PLGRKT: variants seen among roughly 807,000 people sequenced by gnomAD.
The protein encoded by PLGRKT is plasminogen receptor (KT).
In PLGRKT, 22 loss-of-function variants were observed where a neutral mutation model predicts 18.5. The ratio of observed to expected loss-of-function variants is 1.19; its 90% CI spans 0.85 to 1.70. The LOEUF (loss-of-function observed/expected upper bound fraction) is 1.70. PLGRKT is among the 40% of genes most tolerant of loss of function. The pLI, the probability that PLGRKT is intolerant of heterozygous loss-of-function variation, is 0.00. For missense variants in PLGRKT, 235 were observed against 174.4 expected (o/e 1.35, Z -1.96); for synonymous variants, 72 against 52.8 (o/e 1.36, Z -1.58).
rs1586738902 is a variant in PLGRKT at position 5,418,623 on chromosome 9, G to T, written c.81+13274C>A. Reference sequence around the variant, plus strand: ...TCTGCCGGTTCCTGGGCAGCAGGTGGCGGCTCATATCTCCGGGCAGCAGCG... The same window carrying T: ...TCTGCCGGTTCCTGGGCAGCAGGTGTCGGCTCATATCTCCGGGCAGCAGCG... On this transcript the variant is annotated intron_variant, in intron 3 of 5. Coordinates refer to ENST00000223864, the MANE Select transcript of PLGRKT (RefSeq NM_018465.4). This position sits in a 1 kb window ranked among gnomAD's most constrained non-coding sequence, Gnocchi z 4.2. The T allele has an allele frequency of 1.4e-6, 1 of 716,708 alleles. No individual in the cohort carries two copies. The highest frequency in any genetic ancestry group is 2.6e-6 in the Non-Finnish European group (1 of 383,812). The allele number at this position is 716,708 out of a possible 1,614,324, so 44.4% of individuals were successfully genotyped here. A position where few individuals can be genotyped will look rare whatever the true frequency, so the allele number is the denominator to read the frequency against.
chr9:5,395,869 T>C (rs1818034837), intron 3 of PLGRKT, among the ~76,000 whole-genome samples: 1 of 149,244 alleles, frequency 6.7e-6, no homozygotes, highest in Non-Finnish European at 1.5e-5. Flanking sequence ...TGCATTAGGG[T>C]TCATCCTCTA....
At chr9:5,395,085 CTAGTGGTGAAAAGGCTTTGCA>C (rs965918766) in intron 3 of PLGRKT, among the ~76,000 whole-genome samples, 1 of 146,918 alleles carries the variant, frequency 6.8e-6, no homozygotes, top group Non-Finnish European at 1.5e-5. Flanking sequence ...TTAGATTTTC[CTAGTGGTGAAAAGGCTTTGCA>C]AAAAAAAAAA....
chr9:5,382,305 T>C (rs924841227), intron 3 of PLGRKT, among the ~76,000 whole-genome samples: 3 of 152,162 alleles, frequency 2.0e-5, no homozygotes, highest in African/African-American at 7.2e-5. Flanking sequence ...ACAGGCACAA[T>C]TCAGGGCATT....
At chr9:5,365,141 G>A (rs560865796) in intron 3 of PLGRKT, among the ~76,000 whole-genome samples, 1 of 152,132 alleles carries the variant, frequency 6.6e-6, no homozygotes, top group South Asian at 2.1e-4. Flanking sequence ...AAATAAACCA[G>A]GGCTCCTTAG....
rs544412478 is a variant in PLGRKT, at chr9:5,392,806, G to A, written c.82-30918C>T. ...GGCATGCCCCTTTATTTAAATTTCC[G>A]GATTGATTTTTATTTATTTACTTTA... On this transcript the variant is annotated intron_variant, in intron 3 of 5. Coordinates refer to ENST00000223864, the MANE Select transcript of PLGRKT (RefSeq NM_018465.4). 9.3e-5 allele frequency among the ~76,000 whole-genome samples: 14 copies of A among 151,218 alleles called. No homozygotes were observed. The South Asian group carries it at 2.3e-3, about 25-fold the overall frequency.
chr9:5,376,473 A>G (rs1817630117), intron 3 of PLGRKT, among the ~76,000 whole-genome samples: 1 of 152,174 alleles, frequency 6.6e-6, no homozygotes, highest in Admixed American at 6.5e-5. Context: ...TTGTTTTGAG[A>G]CTTCATTATT....
chr9:5,437,167 G>A (rs1818976114), intron 1 of PLGRKT, among the ~76,000 whole-genome samples: 1 of 152,138 alleles, frequency 6.6e-6, no homozygotes, highest in African/African-American at 2.4e-5. Context: ...GTGTATTTCT[G>A]GGGAGGAGAA....
chr9:5,418,674 C>G lies in PLGRKT; in HGVS notation c.81+13223G>C. On this transcript the variant is annotated intron_variant, in intron 3 of 5. Transcript: ENST00000223864. This position sits in a 1 kb window ranked among gnomAD's most constrained non-coding sequence, Gnocchi z 4.2. ...CGTGCTCCTTGGAGATGGGCAGGGG[C>G]AGCATGTAGCACCCACTGCCGGGAA... 1.5e-6 allele frequency: 1 copy of G among 670,524 alleles called. No homozygotes were observed. Among genetic ancestry groups the G allele is most frequent in the Non-Finnish European group, 2.8e-6 (1 of 358,838 alleles). 41.5% of individuals were successfully genotyped at this position (670,524 alleles called of 1,614,324 possible). A position where few individuals can be genotyped will look rare whatever the true frequency, so the allele number is the denominator to read the frequency against.
intron 3 of PLGRKT, among the ~76,000 whole-genome samples, chr9:5,380,174 C>G (rs1254014867): frequency 3.3e-5 from 5 of 151,974 alleles, no homozygotes; most frequent in East Asian, 1.9e-4. Context: ...ATCATCCTGG[C>G]TAACACGGTG....
chr9:5,386,629 C>CTT (rs1362833610), intron 3 of PLGRKT, among the ~76,000 whole-genome samples: 1 of 151,866 alleles, frequency 6.6e-6, no homozygotes, highest in Non-Finnish European at 1.5e-5. Context: ...GACTCTGCTC[C>CTT]TGCCCCAGGG....
chr9:5,368,400 C>A (rs1020920879), intron 3 of PLGRKT, among the ~76,000 whole-genome samples: 9 of 152,100 alleles, frequency 5.9e-5, no homozygotes, highest in African/African-American at 2.2e-4. Flanking sequence ...ACTATGCAGC[C>A]ATAAAAAGGA....
intron 3 of PLGRKT, among the ~76,000 whole-genome samples, chr9:5,364,985 G>A (rs1008638572): frequency 1.1e-4 from 16 of 152,114 alleles, no homozygotes; most frequent in African/African-American, 3.6e-4. Context: ...CATAGATTAG[G>A]CATTCATGGC....
At chr9:5,424,670 A>ATT (rs1818656297) in intron 3 of PLGRKT, among the ~76,000 whole-genome samples, 2 of 68,184 alleles carry the variant, frequency 2.9e-5, no homozygotes, top group South Asian at 4.5e-4. Context: ...TATATATTTT[A>ATT]TATATATATA....
At chr9:5,378,062 A>T (rs2131088089) in intron 3 of PLGRKT, among the ~76,000 whole-genome samples, 2 of 152,284 alleles carry the variant, frequency 1.3e-5, no homozygotes, top group East Asian at 3.9e-4. Context: ...CATGTTGCAC[A>T]TTCCAAAAGG....
At chr9:5,363,886 A>T (rs1817323356) in intron 3 of PLGRKT, among the ~76,000 whole-genome samples, 1 of 152,210 alleles carries the variant, frequency 6.6e-6, no homozygotes, top group Non-Finnish European at 1.5e-5. Context: ...ACTGAGGTTC[A>T]TTTTGAGTTC....
chr9:5,389,950 G>A (rs1452370796), intron 3 of PLGRKT, among the ~76,000 whole-genome samples: 2 of 151,736 alleles, frequency 1.3e-5, no homozygotes, highest in African/African-American at 2.4e-5. Flanking sequence ...ACAAGGGTGT[G>A]ATTTCCAGGG....
intron 3 of PLGRKT, among the ~76,000 whole-genome samples, chr9:5,374,196 G>T (rs1158169647): frequency 2.6e-5 from 4 of 152,128 alleles, no homozygotes; most frequent in Admixed American, 2.6e-4. Flanking sequence ...TAATATCTCT[G>T]AGTAACTCTT....
intron 5 of PLGRKT, among the ~76,000 whole-genome samples, chr9:5,359,869 A>C (rs1035187045): frequency 1.3e-5 from 2 of 152,216 alleles, no homozygotes; most frequent in Non-Finnish European, 2.9e-5. Context: ...TAAATGTATA[A>C]TATATATGTT....
intron 1 of PLGRKT, 157 bp downstream of exon 1, chr9:5,437,632 C>T (rs1818986245): frequency 6.6e-6 from 1 of 152,320 alleles, no homozygotes; most frequent in Non-Finnish European, 1.5e-5. Context: ...TTGGCAATAC[C>T]TATCAGCACC....
Sources: allele counts gnomAD v4.1 joint callset (sites outside exome capture counted in the v4.1 genomes callset), GRCh38; gene constraint gnomAD v4.1.1; non-coding constraint Gnocchi (gnomAD v3.1); transcripts MANE v1.5; gene names NCBI Gene and HGNC (gene_info 2026-07-23, HGNC 2026-07-21).